ZNF69: variants seen among roughly 807,000 people sequenced by gnomAD.
ZNF69 encodes the protein zinc finger protein 69, also known as ZNF3.
Under a neutral mutation model 50.9 loss-of-function variants are expected in ZNF69, and 47 were observed. The observed-to-expected ratio is 0.92, with a 90% CI of 0.73 to 1.18. The LOEUF (loss-of-function observed/expected upper bound fraction) is 1.18. Among genes scored for constraint, ZNF69 ranks in the 50% most tolerant of loss-of-function variants. The pLI is 0.00. For synonymous variants in ZNF69, 216 were observed against 223.1 expected, an observed-to-expected ratio of 0.97 and a Z score of 0.29; for missense variants, 717 against 675.1, an observed-to-expected ratio of 1.06 and a Z score of -0.69.
chr19:11,898,780 G>A (rs1972182555), intron 1 of ZNF69, among the ~76,000 whole-genome samples: 1 of 152,148 alleles, frequency 6.6e-6, no homozygotes, highest in Non-Finnish European at 1.5e-5. Flanking sequence ...CAGGAGGATA[G>A]CTTGGACTCA....
At chr19:11,935,666 T>C in the ZNF69 span, among the ~76,000 whole-genome samples, 1 of 152,222 alleles carries the variant, frequency 6.6e-6, no homozygotes, top group Non-Finnish European at 1.5e-5. Context: ...TTTTATTCTG[T>C]TAACAAAGTC....
At chr19:11,937,810 G>C in the ZNF69 span, among the ~76,000 whole-genome samples, 1 of 151,854 alleles carries the variant, frequency 6.6e-6, no homozygotes, top group Non-Finnish European at 1.5e-5. Context: ...TACGTTCCTT[G>C]TGCCTCTCTG....
chr19:11,968,105 T>C, the ZNF69 span, among the ~76,000 whole-genome samples: 4 of 151,970 alleles, frequency 2.6e-5, no homozygotes, highest in Non-Finnish European at 5.9e-5. Context: ...TGGCAAGGAG[T>C]GTTTCTTGTT....
chr19:11,912,278 CTG>C (rs2145254115), intron 4 of ZNF69, among the ~76,000 whole-genome samples: 1 of 152,260 alleles, frequency 6.6e-6, no homozygotes. Flanking sequence ...GAGAGAAGCT[CTG>C]TGAATGTAAG....
At chr19:11,976,053 T>G in the ZNF69 span, among the ~76,000 whole-genome samples, 8 of 146,482 alleles carry the variant, frequency 5.5e-5, no homozygotes, top group African/African-American at 2.0e-4. Context: ...TCCTCTCTGC[T>G]TCTATCTAGC....
chr19:11,919,811 G>A, the ZNF69 span, among the ~76,000 whole-genome samples: 1 of 152,176 alleles, frequency 6.6e-6, no homozygotes, highest in Non-Finnish European at 1.5e-5. Flanking sequence ...ATTGCTGGCA[G>A]CAAGATGTTG....
chr19:11,974,110 TTTCTTTCTTTCTTTCTTTTCTTTCTTTC>T, the ZNF69 span, among the ~76,000 whole-genome samples: 27 of 101,036 alleles, frequency 2.7e-4, no homozygotes, highest in South Asian at 6.6e-4. Context: ...TCTTTCTTTC[TTTCTTTCTTTCTTTCTTTTCTTTCTTTC>T]TTTCTTTCTT....
rs1265527120 is a variant in ZNF69 at position 11,904,668 on chromosome 19, G to A, written c.271G>A (p.Val91Ile). The change falls in exon 4 of 4, where the codon GTC becomes ATC. Residue 91 changes from valine (V) to isoleucine (I), a missense_variant. Transcript: ENST00000429654. ...TGACAGGAGTCTCATAGAAAAGAAA[G>A]TCAATGAAATTAAAGATGACAGTCA... ...RNFRSLIEKK[V>I]NEIKDDSHCG... The A allele has an allele frequency of 6.2e-7, 1 of 1,612,644 alleles. No individual in the cohort carries two copies. Among genetic ancestry groups the A allele is most frequent in the Non-Finnish European group, 8.5e-7 (1 of 1,179,620 alleles).
chr19:11,913,938 T>A (rs1972495050), exon 5 of ZNF69: 1 of 152,222 alleles, frequency 6.6e-6, no homozygotes. Context: ...CATTTAGAAA[T>A]ATAGTTACAA....
Position 11,906,150 on chromosome 19 carries a change from A to G in ZNF69, c.*52A>G. 2 of 1,580,412 alleles carry G rather than the reference A, an allele frequency of 1.3e-6. No homozygotes were observed. Among genetic ancestry groups the G allele is most frequent in the Non-Finnish European group, 1.7e-6 (2 of 1,169,266 alleles). On this transcript the variant is annotated 3_prime_UTR_variant, in exon 4 of 4. Coordinates refer to ENST00000429654, the MANE Select transcript of ZNF69 (RefSeq NM_001364730.1). ...CCTTTGAATGCATGGTAGGACACAC[A>G]ATCAAGAGAAACCATGAATGTAAAG...
the ZNF69 span, among the ~76,000 whole-genome samples, chr19:11,952,577 C>T: frequency 6.6e-6 from 1 of 152,214 alleles, no homozygotes; most frequent in Non-Finnish European, 1.5e-5. Flanking sequence ...AATGAAGCTG[C>T]TCTTCAGAAA....
At chr19:11,979,199 T>C in the ZNF69 span, 61 of 1,607,912 alleles carry the variant, frequency 3.8e-5, no homozygotes, top group Non-Finnish European at 5.0e-5. Context: ...TATAAATGCA[T>C]GCCATGTGGT....
chr19:11,960,298 G>A, the ZNF69 span, among the ~76,000 whole-genome samples: 6 of 152,130 alleles, frequency 3.9e-5, no homozygotes, highest in African/African-American at 9.7e-5. Context: ...GATTACAGGC[G>A]TGCGCCACTG....
At chr19:11,925,110 C>A in the ZNF69 span, 1 of 1,434,920 alleles carries the variant, frequency 7.0e-7, no homozygotes. Flanking sequence ...TCGCTTTCCT[C>A]ACCTTCCTCG....
chr19:11,977,970 G>C, the ZNF69 span: 31 of 966,124 alleles, frequency 3.2e-5, no homozygotes, highest in African/African-American at 4.1e-4. Context: ...TCACCTTGTA[G>C]AACATGTTGT....
chr19:11,889,293 G>A (rs868371156), intron 1 of ZNF69, among the ~76,000 whole-genome samples: 4 of 152,254 alleles, frequency 2.6e-5, no homozygotes, highest in South Asian at 4.2e-4. Flanking sequence ...GTCAGATAAT[G>A]TCTGTTTTTA....
At chr19:11,972,336 A>G in the ZNF69 span, among the ~76,000 whole-genome samples, 1 of 152,202 alleles carries the variant, frequency 6.6e-6, no homozygotes, top group Admixed American at 6.5e-5. Flanking sequence ...ATGAGTTTCA[A>G]TAGAGTATGT....
chr19:11,950,261 C>A, the ZNF69 span: 2 of 1,601,328 alleles, frequency 1.2e-6, no homozygotes, highest in African/African-American at 1.4e-5. Flanking sequence ...TAGCCTGGTT[C>A]CTTTTATGGA....
intron 1 of ZNF69, among the ~76,000 whole-genome samples, chr19:11,894,768 C>A (rs1364706305): frequency 6.6e-6 from 1 of 152,150 alleles, no homozygotes; most frequent in Non-Finnish European, 1.5e-5. Context: ...TTCCCAGTCC[C>A]AGTTTTCGTA....
Sources: allele counts gnomAD v4.1 joint callset (sites outside exome capture counted in the v4.1 genomes callset), GRCh38; gene constraint gnomAD v4.1.1; transcripts MANE v1.5; gene names NCBI Gene and HGNC (gene_info 2026-07-23, HGNC 2026-07-21).